ANKRD24: variants seen among roughly 807,000 people sequenced by gnomAD.
ANKRD24 encodes the protein ankyrin repeat domain 24, also known as ankyrin repeat domain-containing protein 24.
Under a neutral mutation model 127.8 loss-of-function variants are expected in ANKRD24, and 109 were observed. The ratio of observed to expected loss-of-function variants is 0.85; its 90% CI spans 0.73 to 1.00. The LOEUF is 1.00. Among genes scored for constraint, ANKRD24 ranks in the 50% least tolerant of loss-of-function variants. The pLI is 0.00. For missense variants in ANKRD24, 1,648 were observed against 1,570.2 expected, an observed-to-expected ratio of 1.05 and a Z score of -0.84; for synonymous variants, 743 against 671.1, an observed-to-expected ratio of 1.11 and a Z score of -1.66.
chr19:4,199,340 C>T lies in ANKRD24; in HGVS notation c.37-343C>T, dbSNP rs1371943731. Among the ~76,000 whole-genome samples the T allele has an allele frequency of 6.6e-6, 1 of 152,142 alleles. No homozygotes were observed. The highest frequency in any genetic ancestry group is 1.5e-5 in the Non-Finnish European group (1 of 68,032). On this transcript the variant is annotated intron_variant, in intron 2 of 21. Coordinates refer to ENST00000318934, the MANE Select transcript of ANKRD24 (RefSeq NM_001393985.1). This position sits in a 1 kb window ranked among gnomAD's most constrained non-coding sequence, Gnocchi z 5.2. ...CAAATGATCCTCCCACCTCAGCCTC[C>T]CAAGCAGCTACAGGCATGAGCCACC...
rs964304516 is a variant in ANKRD24 at position 4,199,833 on chromosome 19, G to A, written c.124-42G>A. 5 of 1,540,756 alleles carry A rather than the reference G, an allele frequency of 3.2e-6. No homozygotes were observed. Among genetic ancestry groups the A allele is most frequent in the Admixed American group, 3.9e-5 (2 of 51,092 alleles). ...CTGTCGGGGGCGTGGGGAGGGGACA[G>A]CAGCCAACACTGCCCCACGCACTTC... is the stretch of plus-strand genomic sequence containing the variant. On this transcript the variant is annotated intron_variant, in intron 3 of 21. Transcript: ENST00000318934. This position sits in a 1 kb window ranked among gnomAD's most constrained non-coding sequence, Gnocchi z 5.2.
At position 4,188,069 on chromosome 19, in the gene ANKRD24, TTTTTA is replaced by T. The variant is rs1019248652; in HGVS notation, c.36+1628_36+1632del. Among the ~76,000 whole-genome samples, 23 of 152,212 alleles carry T rather than the reference TTTTTA, an allele frequency of 1.5e-4. No homozygotes were observed. In the East Asian group the frequency reaches 4.2e-3, roughly 28 times the overall value. ...CCTGTGGAACAAGCCTGGATTTCAT[TTTTTA>T]TTTTATTTTATTTTATTTTTGAGAT... On this transcript the variant is annotated intron_variant, in intron 2 of 21. Transcript: ENST00000318934.
chr19:4,209,335 T>C (rs1969567689), intron 11 of ANKRD24, among the ~76,000 whole-genome samples: 1 of 152,106 alleles, frequency 6.6e-6, no homozygotes, highest in South Asian at 2.1e-4. Flanking sequence ...CTCAAACTCC[T>C]GGCCTCAAGT....
chr19:4,216,378 C>T lies in ANKRD24; in HGVS notation c.1365C>T (p.Asn455=), dbSNP rs1307204865. 4.5e-6 allele frequency: 7 copies of T among 1,572,924 alleles called. No individual in the cohort carries two copies. The African/African-American group carries it at 9.5e-5, about 21-fold the overall frequency. ...QEQVAVLTRQ[N]QELMEKVQIL... ...AGGTGGCTGTGCTCACCAGACAGAA[C>T]CAGGAACTGATGGAGAAGGTCCAGG... Residue 455 remains asparagine, a synonymous_variant, in exon 17 of 22, where the codon AAC becomes AAT. Coordinates refer to ENST00000318934, the MANE Select transcript of ANKRD24 (RefSeq NM_001393985.1).
At position 4,219,602 on chromosome 19, in the gene ANKRD24, G is replaced by A. The variant is rs914491375; in HGVS notation, c.3015G>A (p.Glu1005=). Reference sequence around the variant, plus strand: ...GGCTTGGGCCACAGGTGCAGCGTGAGGCCCTGTTCATGAAGAGTGAGCGAC... The same window carrying A: ...GGCTTGGGCCACAGGTGCAGCGTGAAGCCCTGTTCATGAAGAGTGAGCGAC... ...TSAEVFQVQR[E]ALFMKSERHA... The change falls in exon 19 of 22, where the codon GAG becomes GAA. Residue 1005 remains glutamate (E), a synonymous_variant. Transcript: ENST00000318934. 1.2e-6 allele frequency: 2 copies of A among 1,611,314 alleles called. No individual in the cohort carries two copies. The highest frequency in any genetic ancestry group is 1.7e-6 in the Non-Finnish European group (2 of 1,178,072).
intron 2 of ANKRD24, among the ~76,000 whole-genome samples, chr19:4,191,901 C>CCTCCCGAGTAGCTGAG (rs1288384429): frequency 7.2e-5 from 11 of 152,246 alleles, no homozygotes; most frequent in Non-Finnish European, 1.5e-5. Context: ...CCTGCCTCAG[C>CCTCCCGAGTAGCTGAG]CTCCCGAGTA....
intron 5 of ANKRD24, 60 bp downstream of exon 5, chr19:4,200,231 G>C: frequency 6.7e-7 from 1 of 1,496,624 alleles, no homozygotes; most frequent in African/African-American, 1.4e-5. Flanking sequence ...CCAGCCTGAG[G>C]GTCCAGCCAG....
chr19:4,201,478 T>C (rs1446747029), intron 5 of ANKRD24, among the ~76,000 whole-genome samples: 1 of 151,818 alleles, frequency 6.6e-6, no homozygotes, highest in Admixed American at 6.6e-5. Context: ...GCTGAGGCAA[T>C]AGGGCTTGAG....
Position 4,224,460 on chromosome 19 carries a change from C to G in ANKRD24, c.3396C>G (p.Leu1132=). Residue 1132 remains leucine (L), a synonymous_variant, in exon 22 of 22, where the codon CTC becomes CTG. Coordinates refer to ENST00000318934, the MANE Select transcript of ANKRD24 (RefSeq NM_001393985.1). ...TGGATGAAGATGTGCAGCGGATTCT[C>G]AGCCAGATTCTGCAGATGCAGAGAC... ...GQMDEDVQRI[L]SQILQMQRLQ... 6.2e-7 allele frequency: 1 copy of G among 1,613,136 alleles called. No individual in the cohort carries two copies.
intron 18 of ANKRD24, 25 bp downstream of exon 18, chr19:4,218,188 G>C (rs868281292): frequency 1.4e-6 from 2 of 1,424,564 alleles, no homozygotes; most frequent in African/African-American, 1.5e-5. Flanking sequence ...TCACCACCCG[G>C]GCCCCACCCC....
chr19:4,186,368 C>A (rs1376629662), intron 1 of ANKRD24, 22 bp from the exon 2 acceptor site: 3 of 1,557,986 alleles, frequency 1.9e-6, no homozygotes, highest in African/African-American at 1.4e-5. Context: ...CCTCACCTTA[C>A]CCCCACCCTT....
chr19:4,194,762 GATGGGGCTAGACT>G (rs1373238295), intron 2 of ANKRD24, among the ~76,000 whole-genome samples: 1 of 152,204 alleles, frequency 6.6e-6, no homozygotes, highest in Admixed American at 6.5e-5. Flanking sequence ...AACCTGCAGT[GATGGGGCTAGACT>G]ATGGTGGTGG....
At chr19:4,189,413 G>A (rs765122597) in intron 2 of ANKRD24, among the ~76,000 whole-genome samples, 17 of 151,102 alleles carry the variant, frequency 1.1e-4, no homozygotes, top group Admixed American at 2.0e-4. Context: ...ACCACGCCCA[G>A]CAATTTTTTT....
At chr19:4,221,172 G>A (rs1970420931) in intron 19 of ANKRD24, among the ~76,000 whole-genome samples, 1 of 151,824 alleles carries the variant, frequency 6.6e-6, no homozygotes, top group Non-Finnish European at 1.5e-5. Flanking sequence ...TCACCTCCCG[G>A]GTTCAAGAGA....
intron 7 of ANKRD24, among the ~76,000 whole-genome samples, chr19:4,204,148 G>A (rs919248691): frequency 1.5e-4 from 23 of 151,278 alleles, no homozygotes; most frequent in African/African-American, 5.1e-4. Flanking sequence ...GTATTTTTTA[G>A]TAGAGACGGG....
chr19:4,187,474 T>C (rs1161797034), intron 2 of ANKRD24, among the ~76,000 whole-genome samples: 1 of 152,148 alleles, frequency 6.6e-6, no homozygotes, highest in African/African-American at 2.4e-5. Flanking sequence ...AGGAATTGCA[T>C]TCCAAGTGGC....
Position 4,216,418 on chromosome 19 carries a change from C to A in ANKRD24, c.1389+16C>A. 1 of 1,559,912 alleles carries A rather than the reference C, an allele frequency of 6.4e-7. No homozygotes were observed. Among genetic ancestry groups the A allele is most frequent in the Non-Finnish European group, 8.7e-7 (1 of 1,151,824 alleles). On this transcript the variant is annotated intron_variant, in intron 17 of 21. Coordinates refer to ENST00000318934, the MANE Select transcript of ANKRD24 (RefSeq NM_001393985.1). ...GAAGGTCCAGGTAGGGAAAGTGAGGCTGGGGACAGATCTGAGGACCTAGGG... is the reference window on the plus strand; with the variant it reads ...GAAGGTCCAGGTAGGGAAAGTGAGGATGGGGACAGATCTGAGGACCTAGGG...
intron 13 of ANKRD24, among the ~76,000 whole-genome samples, chr19:4,211,219 G>A (rs995963251): frequency 1.6e-4 from 25 of 152,340 alleles, no homozygotes; most frequent in African/African-American, 6.0e-4. Context: ...GCCTGCGAGG[G>A]CAGGCATGGC....
intron 19 of ANKRD24, 110 bp from the exon 20 acceptor site, chr19:4,222,560 G>A: frequency 7.5e-7 from 1 of 1,331,284 alleles, no homozygotes; most frequent in Admixed American, 2.9e-5. Flanking sequence ...CCCAGGGACG[G>A]GACCTTCCCT....
Sources: allele counts gnomAD v4.1 joint callset (sites outside exome capture counted in the v4.1 genomes callset), GRCh38; gene constraint gnomAD v4.1.1; non-coding constraint Gnocchi (gnomAD v3.1); transcripts MANE v1.5; gene names NCBI Gene and HGNC (gene_info 2026-07-23, HGNC 2026-07-21).